The following IKZF3 variants were observed in gnomAD, a reference collection of about 807,000 sequenced individuals.
IKZF3 encodes IKAROS family zinc finger 3.
In IKZF3, 10 loss-of-function variants were observed where a neutral mutation model predicts 49.0. That is an observed-to-expected ratio of 0.20 (90% CI 0.13 to 0.35). IKZF3 has a LOEUF of 0.35. Among genes scored for constraint, IKZF3 ranks in the 10% least tolerant of loss-of-function variants. The pLI, the probability that IKZF3 is intolerant of heterozygous loss-of-function variation, is 1.00. For missense variants in IKZF3, 498 were observed against 664.8 expected, an observed-to-expected ratio of 0.75 and a Z score of 2.76; for synonymous variants, 209 against 228.2, an observed-to-expected ratio of 0.92 and a Z score of 0.76.
chr17:39,829,691 C>T (rs1315393689), intron 2 of IKZF3, among the ~76,000 whole-genome samples: 1 of 151,900 alleles, frequency 6.6e-6, no homozygotes, highest in African/African-American at 2.4e-5. Flanking sequence ...GTGGCTCACG[C>T]CTGTAATCCC....
intron 1 of IKZF3, among the ~76,000 whole-genome samples, chr17:39,834,086 T>C (rs2062192187): frequency 6.6e-6 from 1 of 152,210 alleles, no homozygotes; most frequent in Admixed American, 6.5e-5. Context: ...TCAGGTATTT[T>C]GTAGAATGTC....
At chr17:39,793,669 C>T (rs1301361733) in intron 3 of IKZF3, among the ~76,000 whole-genome samples, 1 of 152,132 alleles carries the variant, frequency 6.6e-6, no homozygotes, top group Non-Finnish European at 1.5e-5. Context: ...CCATTAGGTC[C>T]CAAGTTAGGG....
At chr17:39,770,207 G>A (rs773989602) in intron 7 of IKZF3, among the ~76,000 whole-genome samples, 2 of 152,176 alleles carry the variant, frequency 1.3e-5, no homozygotes, top group South Asian at 2.1e-4. Flanking sequence ...TCATAAAAAA[G>A]GTTAGTCAAA....
intron 1 of IKZF3, chr17:39,839,454 G>A (rs754612524): frequency 9.5e-5 from 56 of 586,556 alleles, no homozygotes; most frequent in East Asian, 2.2e-4. Flanking sequence ...AATCCACTGC[G>A]GAATGGGAAG....
intron 1 of IKZF3, among the ~76,000 whole-genome samples, chr17:39,844,596 C>T (rs147928514): frequency 6.6e-6 from 1 of 151,926 alleles, no homozygotes; most frequent in Admixed American, 6.6e-5. Context: ...TTCATTATCA[C>T]CATCATTCAT....
chr17:39,849,960 T>C (rs2062748933), intron 1 of IKZF3, among the ~76,000 whole-genome samples: 1 of 150,534 alleles, frequency 6.6e-6, no homozygotes, highest in Non-Finnish European at 1.5e-5. Flanking sequence ...TCTTTGGCAA[T>C]ATGTATCAAA....
chr17:39,837,785 C>T (rs1342265113), intron 1 of IKZF3, among the ~76,000 whole-genome samples: 4 of 151,628 alleles, frequency 2.6e-5, no homozygotes, highest in Admixed American at 6.6e-5. Context: ...ACTACAGGCG[C>T]CCACCACCAT....
intron 4 of IKZF3, 147 bp from the exon 5 acceptor site, chr17:39,791,730 T>A: frequency 1.3e-6 from 1 of 766,648 alleles, no homozygotes; most frequent in Non-Finnish European, 2.1e-6. Flanking sequence ...AAGGCAAGCC[T>A]AAGACTTACT....
chr17:39,835,436 G>A (rs779680088), intron 1 of IKZF3: 1 of 466,836 alleles, frequency 2.1e-6, no homozygotes, highest in Non-Finnish European at 4.3e-6. Context: ...TGGCCTTTGA[G>A]GCCCTCTGTC....
At chr17:39,850,060 A>ATATG (rs1169046854) in intron 1 of IKZF3, among the ~76,000 whole-genome samples, 1 of 94,286 alleles carries the variant, frequency 1.1e-5, no homozygotes, top group Non-Finnish European at 2.8e-5. Flanking sequence ...AGTATATTAT[A>ATATG]TATGTATATA....
intron 1 of IKZF3, among the ~76,000 whole-genome samples, chr17:39,849,546 C>T (rs1484619190): frequency 6.6e-6 from 1 of 152,092 alleles, no homozygotes; most frequent in African/African-American, 2.4e-5. Flanking sequence ...GTAATCCCAG[C>T]TACTCAGGAG....
intron 1 of IKZF3, among the ~76,000 whole-genome samples, chr17:39,853,851 A>G (rs9907498): frequency 0.056 from 8,308 of 149,596 alleles, 377 homozygotes; most frequent in African/African-American, 0.12. Context: ...AAAAAAAGGA[A>G]GAACACGGTG....
In IKZF3 at chr17:39,763,004, T is replaced by G. The variant is rs2060214657; in HGVS notation, c.*2786A>C. On this transcript the variant is annotated 3_prime_UTR_variant, in exon 8 of 8. Transcript: ENST00000346872. ...ACTAATCCCTGCTTCCAAATTCTCT[T>G]TCTCTTGTCCCTTGAAGAACCAACA... The G allele has an allele frequency of 6.6e-6, 1 of 152,250 alleles. No homozygotes were observed. Among genetic ancestry groups the G allele is most frequent in the South Asian group, 2.1e-4 (1 of 4,834 alleles). 9.4% of individuals were successfully genotyped at this position (152,250 alleles called of 1,614,324 possible). A position where few individuals can be genotyped will look rare whatever the true frequency, so the allele number is the denominator to read the frequency against.
chr17:39,841,207 A>C (rs1249290340), intron 1 of IKZF3, among the ~76,000 whole-genome samples: 1 of 151,112 alleles, frequency 6.6e-6, no homozygotes, highest in Non-Finnish European at 1.5e-5. Flanking sequence ...TTCCACATGG[A>C]GGGACAGACA....
intron 3 of IKZF3, among the ~76,000 whole-genome samples, chr17:39,794,416 T>C (rs1328522209): frequency 1.3e-5 from 2 of 152,212 alleles, no homozygotes; most frequent in Non-Finnish European, 2.9e-5. Flanking sequence ...TCTTGCTGCA[T>C]AGGAGGAAGT....
intron 1 of IKZF3, among the ~76,000 whole-genome samples, chr17:39,861,212 C>T (rs1458205262): frequency 2.0e-5 from 3 of 152,086 alleles, no homozygotes; most frequent in Admixed American, 6.5e-5. Flanking sequence ...GAATAAACAC[C>T]TACATCAATA....
chr17:39,839,308 T>C, intron 1 of IKZF3: 1 of 468,144 alleles, frequency 2.1e-6, no homozygotes. Flanking sequence ...CAGCTTGATA[T>C]GGTAACATGA....
rs1353458478 is a variant in IKZF3, at chr17:39,758,959, A to G, written c.*6831T>C. On this transcript the variant is annotated 3_prime_UTR_variant, in exon 8 of 8. Transcript: ENST00000346872. ...ATAATGCACACCACCCCTCAAAGGT[A>G]ACATTAGCTCATATACAAAATCATG... The G allele has an allele frequency of 1.3e-5, 2 of 151,204 alleles. No individual in the cohort carries two copies. Among genetic ancestry groups the G allele is most frequent in the Non-Finnish European group, 2.9e-5 (2 of 67,906 alleles). The allele number at this position is 151,204 out of a possible 1,614,324, so 9.4% of individuals were successfully genotyped here. A position where few individuals can be genotyped will look rare whatever the true frequency, so the allele number is the denominator to read the frequency against.
At chr17:39,786,385 T>G (rs2060875233) in intron 6 of IKZF3, among the ~76,000 whole-genome samples, 1 of 152,196 alleles carries the variant, frequency 6.6e-6, no homozygotes, top group African/African-American at 2.4e-5. Flanking sequence ...ATATTAGTGA[T>G]TCTACTTGGA....
Sources: allele counts gnomAD v4.1 joint callset (sites outside exome capture counted in the v4.1 genomes callset), GRCh38; gene constraint gnomAD v4.1.1; transcripts MANE v1.5; gene names NCBI Gene and HGNC (gene_info 2026-07-23, HGNC 2026-07-21).